PCLO: variants seen among roughly 807,000 people sequenced by gnomAD.
PCLO encodes the protein protein piccolo.
Under a neutral mutation model 427.5 loss-of-function variants are expected in PCLO, and 82 were observed. That is an observed-to-expected ratio of 0.19 (90% CI 0.16 to 0.23). PCLO has a LOEUF of 0.23. Ranked by LOEUF, PCLO falls within the 10% of genes least tolerant of loss-of-function variation. The pLI, the probability that PCLO is intolerant of heterozygous loss-of-function variation, is 1.00. For missense variants in PCLO, 6,239 were observed against 6,115.9 expected, an observed-to-expected ratio of 1.02 and a Z score of -0.67; for synonymous variants, 2,357 against 2,155.4, an observed-to-expected ratio of 1.09 and a Z score of -2.59.
intron 22 of PCLO, among the ~76,000 whole-genome samples, chr7:82,780,673 G>T (rs1173508774): frequency 6.6e-6 from 1 of 152,160 alleles, no homozygotes; most frequent in Non-Finnish European, 1.5e-5. Context: ...TCAGCCTCGC[G>T]AGTGGCTTAT....
At chr7:83,145,217 T>A (rs1442111237) in intron 2 of PCLO, among the ~76,000 whole-genome samples, 1 of 152,146 alleles carries the variant, frequency 6.6e-6, no homozygotes, top group Non-Finnish European at 1.5e-5. Flanking sequence ...AGTGGCCTGC[T>A]TAGAGTAGGA....
chr7:83,057,317 C>CATACATATATAT (rs1789406949), intron 3 of PCLO, among the ~76,000 whole-genome samples: 1 of 25,890 alleles, frequency 3.9e-5, no homozygotes, highest in African/African-American at 1.7e-4. Context: ...ATTATATATA[C>CATACATATATAT]ATATATATAT....
In PCLO at chr7:82,915,113, A is replaced by C. The variant is rs374282132; in HGVS notation, c.12873T>G (p.Pro4291=). The change falls in exon 7 of 25, where the codon CCT becomes CCG. Residue 4291 remains proline, a synonymous_variant. Transcript: ENST00000333891. ...CATAGACAGAGGAAGGTCTGGAGGAAGGTCTGGACCTGCTGCCACTACTGT... is the reference window on the plus strand; with the variant it reads ...CATAGACAGAGGAAGGTCTGGAGGACGGTCTGGACCTGCTGCCACTACTGT... ...KPYSSGSRSR[P]SSRPSSVYGL... The C allele has an allele frequency of 7.7e-5, 123 of 1,592,670 alleles. No homozygotes were observed. The highest frequency in any genetic ancestry group is 9.5e-5 in the Non-Finnish European group (111 of 1,168,626).
intron 3 of PCLO, among the ~76,000 whole-genome samples, chr7:83,133,955 T>A (rs75301102): frequency 6.6e-6 from 1 of 151,662 alleles, no homozygotes; most frequent in Non-Finnish European, 1.5e-5. Flanking sequence ...TATTTTTTTC[T>A]TTATTTCATG....
chr7:82,906,430 C>A (rs1284712405), intron 8 of PCLO, among the ~76,000 whole-genome samples: 1 of 151,918 alleles, frequency 6.6e-6, no homozygotes, highest in East Asian at 1.9e-4. Context: ...TTTTGTAATT[C>A]TCCAAGCCAA....
intron 4 of PCLO, among the ~76,000 whole-genome samples, 181 bp from the exon 5 acceptor site, chr7:82,957,116 G>T (rs1446024654): frequency 2.6e-5 from 4 of 152,120 alleles, no homozygotes; most frequent in Non-Finnish European, 5.9e-5. Context: ...GGTAAGGTTA[G>T]TTTCCATTTA....
chr7:82,880,407 C>T (rs1054823612), intron 9 of PCLO: 8 of 413,638 alleles, frequency 1.9e-5, no homozygotes, highest in Non-Finnish European at 3.9e-5. Flanking sequence ...TTGAATAGCT[C>T]TATTCTTTTT....
intron 3 of PCLO, among the ~76,000 whole-genome samples, chr7:83,017,666 A>G (rs1285343277): frequency 2.0e-5 from 3 of 151,936 alleles, no homozygotes; most frequent in Non-Finnish European, 2.9e-5. Context: ...AAATCATGTT[A>G]CTCTTTTGCA....
At chr7:83,042,712 A>G (rs1789001960) in intron 3 of PCLO, among the ~76,000 whole-genome samples, 1 of 152,068 alleles carries the variant, frequency 6.6e-6, no homozygotes, top group South Asian at 2.1e-4. Flanking sequence ...AATACAAAAT[A>G]TTAGTTGGTT....
chr7:82,865,157 G>A (rs1046950686), intron 10 of PCLO, among the ~76,000 whole-genome samples: 1 of 151,744 alleles, frequency 6.6e-6, no homozygotes, highest in Non-Finnish European at 1.5e-5. Flanking sequence ...AATTACAAAT[G>A]ATAGAAATAA....
Position 83,134,582 on chromosome 7 carries a change from G to A in PCLO, c.2968C>T (p.Pro990Ser). The change falls in exon 3 of 25, where the codon CCT becomes TCT. Residue 990 changes from proline to serine, a missense_variant. Coordinates refer to ENST00000333891, the MANE Select transcript of PCLO (RefSeq NM_033026.6). ...TTTTTCACAGGTATACTTTTTGCAG[G>A]TGCTGGTGGTGCTTGACCTGTGGAT... Reference protein sequence around the residue: ...PKSTGQAPPAPAKSIPVKKET... With the variant: ...PKSTGQAPPASAKSIPVKKET... 1 of 1,613,864 alleles carries A rather than the reference G, an allele frequency of 6.2e-7. No homozygotes were observed.
In PCLO at chr7:82,801,534, T is replaced by C. The variant is rs756988037; in HGVS notation, c.14991A>G (p.Gly4997=). The change falls in exon 22 of 25, where the codon GGA becomes GGG. Residue 4997 remains glycine (G), a synonymous_variant. Transcript: ENST00000333891. The stretch of plus-strand genomic sequence containing the variant: ...TTTACTTACCTTCAGTGTCTGCTAG[T>C]CCTACTCCTACCCCTGGCTGTTTTA... ...EPVKQPGVGV[G]LADTEAKTQV... The C allele has an allele frequency of 2.5e-6, 4 of 1,585,894 alleles. No homozygotes were observed. In the Admixed American group the frequency reaches 5.0e-5, roughly 20 times the overall value.
intron 2 of PCLO, among the ~76,000 whole-genome samples, chr7:83,138,836 G>A (rs1284353146): frequency 6.6e-6 from 1 of 151,670 alleles, no homozygotes; most frequent in African/African-American, 2.4e-5. Flanking sequence ...GGGGGGTGGG[G>A]AAATAGGGGG....
intron 10 of PCLO, among the ~76,000 whole-genome samples, chr7:82,862,918 T>G (rs1015730645): frequency 6.6e-6 from 1 of 151,798 alleles, no homozygotes; most frequent in African/African-American, 2.4e-5. Context: ...ATAGAATAAA[T>G]AAGACCTGCT....
chr7:82,978,493 A>G (rs1310797431), intron 3 of PCLO, among the ~76,000 whole-genome samples: 2 of 152,120 alleles, frequency 1.3e-5, no homozygotes, highest in East Asian at 3.8e-4. Context: ...TAATTATTAC[A>G]CAATTTCTAT....
intron 10 of PCLO, among the ~76,000 whole-genome samples, chr7:82,874,094 G>A (rs546735139): frequency 5.7e-4 from 87 of 151,964 alleles, no homozygotes; most frequent in Middle Eastern, 3.4e-3. Context: ...TGTATAAACC[G>A]CACATATCGT....
intron 3 of PCLO, among the ~76,000 whole-genome samples, chr7:83,112,337 T>C (rs1300118732): frequency 6.6e-6 from 1 of 152,176 alleles, no homozygotes; most frequent in East Asian, 1.9e-4. Context: ...ATTACAGGCG[T>C]GAGCCACTGC....
chr7:83,089,715 G>C (rs1319921012), intron 3 of PCLO, among the ~76,000 whole-genome samples: 2 of 152,150 alleles, frequency 1.3e-5, no homozygotes, highest in Non-Finnish European at 2.9e-5. Flanking sequence ...GGCTGGAGCA[G>C]GGGAAAGAGG....
At chr7:82,907,329 TG>T (rs1336049539) in intron 8 of PCLO, among the ~76,000 whole-genome samples, 1 of 151,960 alleles carries the variant, frequency 6.6e-6, no homozygotes, top group Non-Finnish European at 1.5e-5. Context: ...TCTAGGTTTG[TG>T]GGAAACACTA....
Sources: allele counts gnomAD v4.1 joint callset (sites outside exome capture counted in the v4.1 genomes callset), GRCh38; gene constraint gnomAD v4.1.1; transcripts MANE v1.5; gene names NCBI Gene and HGNC (gene_info 2026-07-23, HGNC 2026-07-21).